B3GLCT: variants seen among roughly 807,000 people sequenced by gnomAD.
B3GLCT encodes beta-1,3-glucosyltransferase.
Under a neutral mutation model 63.4 loss-of-function variants are expected in B3GLCT, and 65 were observed. The observed-to-expected ratio is 1.03, with a 90% CI of 0.84 to 1.26. B3GLCT has a LOEUF of 1.26. Ranked by LOEUF, B3GLCT falls within the 50% of genes most tolerant of loss-of-function variation. B3GLCT has a pLI of 0.00. For synonymous variants in B3GLCT, 233 were observed against 219.2 expected (o/e 1.06, Z -0.55); for missense variants, 577 against 604.8 (o/e 0.95, Z 0.48).
At chr13:31,327,948 T>G (rs982612974) in intron 14 of B3GLCT, among the ~76,000 whole-genome samples, 2 of 152,212 alleles carry the variant, frequency 1.3e-5, no homozygotes, top group Non-Finnish European at 2.9e-5. Flanking sequence ...TTTGTACTGG[T>G]GAAGCTAGGT....
At chr13:31,325,220 C>T (rs901227260) in intron 14 of B3GLCT, among the ~76,000 whole-genome samples, 1 of 152,166 alleles carries the variant, frequency 6.6e-6, no homozygotes, top group African/African-American at 2.4e-5. Context: ...GAGAAACCTC[C>T]TTCCTGGTGT....
rs747981831 is a variant in B3GLCT at position 31,317,642 on chromosome 13, G to A, written c.1141G>A (p.Gly381Ser). The A allele has an allele frequency of 3.0e-5, 49 of 1,613,912 alleles. No individual in the cohort carries two copies. The highest frequency in any genetic ancestry group is 7.7e-5 in the South Asian group (7 of 91,074). The change falls in exon 13 of 15, where the codon GGC becomes AGC. Residue 381 changes from glycine (G) to serine (S), a missense_variant. Coordinates refer to ENST00000343307, the MANE Select transcript of B3GLCT (RefSeq NM_194318.4). ...PVFLGERYGYGLGTGGYSYIT... is the reference protein window; with the variant it reads ...PVFLGERYGYSLGTGGYSYIT... ...GTTTCTGGGAGAGCGCTACGGCTAC[G>A]GCCTGGGCACTGGTGGCTACAGCTA... is the stretch of plus-strand genomic sequence containing the variant.
chr13:31,268,350 G>A (rs1327062691), intron 7 of B3GLCT, among the ~76,000 whole-genome samples: 1 of 152,166 alleles, frequency 6.6e-6, no homozygotes, highest in East Asian at 1.9e-4. Context: ...AGTGCTCACT[G>A]TGGTCAGGTG....
At chr13:31,239,616 C>T (rs1429004025) in intron 4 of B3GLCT, among the ~76,000 whole-genome samples, 2 of 151,192 alleles carry the variant, frequency 1.3e-5, no homozygotes, top group Non-Finnish European at 2.9e-5. Context: ...GCAAACAGCT[C>T]AGGTTCTAGA....
At chr13:31,259,307 CAG>C (rs1197678511) in intron 6 of B3GLCT, among the ~76,000 whole-genome samples, 3 of 152,054 alleles carry the variant, frequency 2.0e-5, no homozygotes, top group Non-Finnish European at 4.4e-5. Context: ...GGCTAAATCT[CAG>C]ATGTTTTATG....
At chr13:31,294,132 G>A (rs768585898) in intron 12 of B3GLCT, among the ~76,000 whole-genome samples, 1 of 152,128 alleles carries the variant, frequency 6.6e-6, no homozygotes, top group Non-Finnish European at 1.5e-5. Flanking sequence ...TTGAATATTG[G>A]CACCCATTCT....
At chr13:31,227,678 G>A (rs1870166848) in intron 3 of B3GLCT, among the ~76,000 whole-genome samples, 1 of 152,174 alleles carries the variant, frequency 6.6e-6, no homozygotes. Flanking sequence ...GGATCTAGAT[G>A]GCTCACTGTG....
At position 31,318,055 on chromosome 13, in the gene B3GLCT, C is replaced by G. The variant is rs116163343; in HGVS notation, c.1184+370C>G. Among the ~76,000 whole-genome samples, 611 of 151,928 alleles carry G rather than the reference C, an allele frequency of 4.0e-3. 3 individuals carry two copies. The highest frequency in any genetic ancestry group is 0.014 in the African/African-American group (583 of 41,420). ...TTAAATTATGTAATGCTTAATAAAT[C>G]GCCTTTGGAGAAAGTGTAGTATAGA... On this transcript the variant is annotated intron_variant, in intron 13 of 14. Transcript: ENST00000343307.
At position 31,268,679 on chromosome 13, in the gene B3GLCT, A is replaced by T. The variant is rs192972219; in HGVS notation, c.597-535A>T. On this transcript the variant is annotated intron_variant, in intron 7 of 14. Transcript: ENST00000343307. ...TGTGATGCTAGAGATGGTCAGGGGA[A>T]TGGTAGGGCCCTCAAGACTGGCTCA... Among the ~76,000 whole-genome samples, 233 of 152,200 alleles carry T rather than the reference A, an allele frequency of 1.5e-3. 2 individuals carry two copies. The highest frequency in any genetic ancestry group is 5.3e-3 in the African/African-American group (219 of 41,554).
intron 4 of B3GLCT, among the ~76,000 whole-genome samples, chr13:31,231,141 T>G (rs1321492943): frequency 6.6e-6 from 1 of 152,154 alleles, no homozygotes; most frequent in Non-Finnish European, 1.5e-5. Context: ...TCCATCTGCT[T>G]TGCTGGAGGC....
intron 4 of B3GLCT, among the ~76,000 whole-genome samples, chr13:31,238,055 G>T (rs1020071823): frequency 6.6e-6 from 1 of 152,178 alleles, no homozygotes; most frequent in South Asian, 2.1e-4. Context: ...GTCTAGAACT[G>T]CTGTTTAGTC....
chr13:31,254,424 T>C (rs1871614325), intron 6 of B3GLCT, among the ~76,000 whole-genome samples: 1 of 152,104 alleles, frequency 6.6e-6, no homozygotes, highest in South Asian at 2.1e-4. Context: ...CATGATTATC[T>C]CAATAGATGC....
chr13:31,231,114 T>A (rs1870359320), intron 4 of B3GLCT, among the ~76,000 whole-genome samples: 1 of 152,186 alleles, frequency 6.6e-6, no homozygotes, highest in Non-Finnish European at 1.5e-5. Context: ...TGCAGCAACC[T>A]TGACTGGCTG....
rs567838996 is a variant in B3GLCT at position 31,330,580 on chromosome 13, C to T, written c.*912C>T. 4 of 148,526 alleles carry T rather than the reference C, an allele frequency of 2.7e-5. No homozygotes were observed. The East Asian group carries it at 7.9e-4, about 29-fold the overall frequency. 9.2% of individuals were successfully genotyped at this position (148,526 alleles called of 1,614,324 possible). On this transcript the variant is annotated 3_prime_UTR_variant, in exon 15 of 15. Coordinates refer to ENST00000343307, the MANE Select transcript of B3GLCT (RefSeq NM_194318.4). ...TTAAATGTTACTTAATGACTCTCTC[C>T]TGACTCAGGAGAGAAACCCCTTGTG...
intron 1 of B3GLCT, among the ~76,000 whole-genome samples, chr13:31,206,611 G>A (rs551641277): frequency 1.3e-4 from 20 of 150,742 alleles, no homozygotes; most frequent in African/African-American, 3.4e-4. Context: ...AAAGGTAGCC[G>A]GGCATGGTGG....
At position 31,330,546 on chromosome 13, in the gene B3GLCT, T is replaced by G. The variant is rs1875867141; in HGVS notation, c.*878T>G. The G allele has an allele frequency of 6.6e-6, 1 of 150,578 alleles. No individual in the cohort carries two copies. Among genetic ancestry groups the G allele is most frequent in the African/African-American group, 2.4e-5 (1 of 41,132 alleles). 9.3% of individuals were successfully genotyped at this position (150,578 alleles called of 1,614,324 possible). A position where few individuals can be genotyped will look rare whatever the true frequency, so the allele number is the denominator to read the frequency against. On this transcript the variant is annotated 3_prime_UTR_variant, in exon 15 of 15. Coordinates refer to ENST00000343307, the MANE Select transcript of B3GLCT (RefSeq NM_194318.4). ...GACCTTATGTTTTACTCTTGTTTTTTTTTTTTTTTTAAATGTTACTTAATG... is the reference window on the plus strand; with the variant it reads ...GACCTTATGTTTTACTCTTGTTTTTGTTTTTTTTTTAAATGTTACTTAATG...
chr13:31,262,329 ATCT>A (rs1271183175), intron 7 of B3GLCT, among the ~76,000 whole-genome samples: 1 of 152,186 alleles, frequency 6.6e-6, no homozygotes, highest in Non-Finnish European at 1.5e-5. Flanking sequence ...TCCAGTTAAG[ATCT>A]TCGACTCACG....
intron 7 of B3GLCT, among the ~76,000 whole-genome samples, chr13:31,267,375 A>G (rs1266128884): frequency 6.6e-6 from 1 of 152,226 alleles, no homozygotes; most frequent in Non-Finnish European, 1.5e-5. Flanking sequence ...TTGTGGTCTG[A>G]TTAGATTTTG....
At chr13:31,285,648 T>C (rs1230017715) in intron 11 of B3GLCT, among the ~76,000 whole-genome samples, 2 of 151,516 alleles carry the variant, frequency 1.3e-5, no homozygotes, top group East Asian at 3.9e-4. Flanking sequence ...ACTGATTATG[T>C]TCTATACAGT....
Sources: allele counts gnomAD v4.1 joint callset (sites outside exome capture counted in the v4.1 genomes callset), GRCh38; gene constraint gnomAD v4.1.1; transcripts MANE v1.5; gene names NCBI Gene and HGNC (gene_info 2026-07-23, HGNC 2026-07-21).